The following CTNNA2 variants were observed in gnomAD, a reference collection of about 807,000 sequenced individuals.
The protein encoded by CTNNA2 is catenin alpha 2, also known as catenin alpha-2.
Under a neutral mutation model 101.0 loss-of-function variants are expected in CTNNA2, and 42 were observed. That is an observed-to-expected ratio of 0.42 (90% CI 0.32 to 0.54). The LOEUF (loss-of-function observed/expected upper bound fraction) is 0.54. CTNNA2 is among the 20% of genes least tolerant of loss of function. The pLI, the probability that CTNNA2 is intolerant of heterozygous loss-of-function variation, is 0.14. For missense variants in CTNNA2, 871 were observed against 1,223.1 expected (o/e 0.71, Z 4.29); for synonymous variants, 450 against 456.4 (o/e 0.99, Z 0.18).
intron 9 of CTNNA2, among the ~76,000 whole-genome samples, chr2:80,535,667 G>A (rs998175268): frequency 6.6e-6 from 1 of 152,126 alleles, no homozygotes; most frequent in African/African-American, 2.4e-5. Flanking sequence ...ATTTAAAACA[G>A]AGGCAAGAAA....
chr2:79,662,305 A>G (rs1000582734), intron 2 of CTNNA2, among the ~76,000 whole-genome samples: 1 of 152,120 alleles, frequency 6.6e-6, no homozygotes, highest in Non-Finnish European at 1.5e-5. Flanking sequence ...CAAACCTTAA[A>G]AGTATTTTCC....
At chr2:80,269,348 T>C (rs954184760) in intron 7 of CTNNA2, among the ~76,000 whole-genome samples, 6 of 152,224 alleles carry the variant, frequency 3.9e-5, no homozygotes, top group African/African-American at 7.2e-5. Context: ...CCTGATGCCT[T>C]GTGAAGAAGG....
At chr2:79,251,513 G>C (rs916879214) in intron 2 of CTNNA2, among the ~76,000 whole-genome samples, 2 of 152,168 alleles carry the variant, frequency 1.3e-5, no homozygotes, top group Admixed American at 1.3e-4. Flanking sequence ...GTGTACAGCA[G>C]AGTGATGGAA....
intron 9 of CTNNA2, among the ~76,000 whole-genome samples, chr2:80,534,087 G>T (rs1384045032): frequency 6.6e-6 from 1 of 152,118 alleles, no homozygotes; most frequent in Non-Finnish European, 1.5e-5. Context: ...CACCAGGGCA[G>T]ACTGATCACT....
At chr2:79,829,315 G>A (rs928515042) in intron 3 of CTNNA2, among the ~76,000 whole-genome samples, 1 of 150,242 alleles carries the variant, frequency 6.7e-6, no homozygotes, top group Admixed American at 6.7e-5. Context: ...TCAGGAGTTG[G>A]AGACCAGCCT....
At chr2:80,437,603 A>G (rs922811702) in intron 9 of CTNNA2, among the ~76,000 whole-genome samples, 1 of 152,194 alleles carries the variant, frequency 6.6e-6, no homozygotes, top group African/African-American at 2.4e-5. Flanking sequence ...TTTTGTTGGC[A>G]GTTATTGTTC....
chr2:80,351,979 T>C (rs1369338189), intron 7 of CTNNA2, among the ~76,000 whole-genome samples: 2 of 152,122 alleles, frequency 1.3e-5, no homozygotes, highest in Admixed American at 1.3e-4. Context: ...CTTTCCTCTC[T>C]TTGCAGGGAC....
rs193261772 is a variant in CTNNA2 at position 80,275,656 on chromosome 2, A to G, written c.1057-117555A>G. On this transcript the variant is annotated intron_variant, in intron 7 of 18. Transcript: ENST00000402739. Reference sequence around the variant, plus strand: ...TCATTTACCCCAGTAACATTATCTCAGGAAATTACAGAGAATATTATTCTG... The same window carrying G: ...TCATTTACCCCAGTAACATTATCTCGGGAAATTACAGAGAATATTATTCTG... Among the ~76,000 whole-genome samples, 90 of 152,272 alleles carry G rather than the reference A, an allele frequency of 5.9e-4. 2 individuals are homozygous for G. Among genetic ancestry groups the G allele is most frequent in the Non-Finnish European group, 2.9e-5 (2 of 68,020 alleles).
chr2:79,973,241 A>C (rs1690608433), intron 7 of CTNNA2, among the ~76,000 whole-genome samples: 1 of 152,198 alleles, frequency 6.6e-6, no homozygotes, highest in African/African-American at 2.4e-5. Context: ...AATCAAAATC[A>C]ATGGCTGATG....
At chr2:79,740,299 G>T (rs182557942) in intron 2 of CTNNA2, among the ~76,000 whole-genome samples, 1 of 152,200 alleles carries the variant, frequency 6.6e-6, no homozygotes, top group Non-Finnish European at 1.5e-5. Context: ...ATGTCCTCTA[G>T]CTCCATCCAT....
At position 80,212,619 on chromosome 2, in the gene CTNNA2, C is replaced by G. The variant is rs532697551; in HGVS notation, c.1057-180592C>G. Among the ~76,000 whole-genome samples, 7 of 152,278 alleles carry G rather than the reference C, an allele frequency of 4.6e-5. No individual in the cohort carries two copies. In the East Asian group the frequency reaches 1.4e-3, roughly 29 times the overall value. ...TTGATGTGCTGCCGGATTCGGTTTG[C>G]CAGTATTTTATTGAGGATTTTTGCA... On this transcript the variant is annotated intron_variant, in intron 7 of 18. Coordinates refer to ENST00000402739, the MANE Select transcript of CTNNA2 (RefSeq NM_001282597.3).
At chr2:79,629,084 C>T (rs561584981) in intron 1 of CTNNA2, among the ~76,000 whole-genome samples, 12 of 152,302 alleles carry the variant, frequency 7.9e-5, no homozygotes, top group African/African-American at 2.6e-4. Context: ...CCCCACTCTC[C>T]ACTTCCGTCC....
chr2:79,776,023 A>G (rs1267210400), intron 3 of CTNNA2, among the ~76,000 whole-genome samples: 1 of 152,232 alleles, frequency 6.6e-6, no homozygotes, highest in Non-Finnish European at 1.5e-5. Context: ...CATAGGCAAG[A>G]GTCATCTGAT....
At chr2:80,278,046 A>G (rs1057454105) in intron 7 of CTNNA2, among the ~76,000 whole-genome samples, 24 of 151,982 alleles carry the variant, frequency 1.6e-4, no homozygotes, top group Non-Finnish European at 2.8e-4. Context: ...CATCAGAGAG[A>G]TTGTGGCTTG....
intron 7 of CTNNA2, among the ~76,000 whole-genome samples, chr2:79,982,268 C>T (rs377713060): frequency 1.8e-5 from 2 of 108,998 alleles, no homozygotes; most frequent in African/African-American, 8.0e-5. Context: ...ACACACATAA[C>T]ATATATATAA....
intron 9 of CTNNA2, among the ~76,000 whole-genome samples, chr2:80,444,071 G>T (rs1682851044): frequency 6.6e-6 from 1 of 152,192 alleles, no homozygotes; most frequent in South Asian, 2.1e-4. Context: ...AAAATCCTGT[G>T]CACTTTCTAC....
intron 6 of CTNNA2, among the ~76,000 whole-genome samples, chr2:79,904,390 A>G (rs918398351): frequency 1.3e-5 from 2 of 152,116 alleles, no homozygotes; most frequent in African/African-American, 4.8e-5. Context: ...TAGGTGACTC[A>G]GATAGCATAA....
chr2:80,206,294 T>C lies in CTNNA2; in HGVS notation c.1057-186917T>C, dbSNP rs139668122. Among the ~76,000 whole-genome samples the C allele has an allele frequency of 8.1e-4, 123 of 152,338 alleles. 1 individual carries two copies. The Middle Eastern group carries it at 0.014, about 17-fold the overall frequency. On this transcript the variant is annotated intron_variant, in intron 7 of 18. Transcript: ENST00000402739. ...AACCCTTATGTAAACATCACTATCA[T>C]GTAGACCCCAAGGAATCCTTGATTT...
chr2:80,591,923 C>A (rs905820479), intron 15 of CTNNA2, among the ~76,000 whole-genome samples: 22 of 152,142 alleles, frequency 1.4e-4, no homozygotes, highest in Non-Finnish European at 2.5e-4. Context: ...CAGTTCTTGA[C>A]TTCCATCTCA....
Sources: allele counts gnomAD v4.1 joint callset (sites outside exome capture counted in the v4.1 genomes callset), GRCh38; gene constraint gnomAD v4.1.1; transcripts MANE v1.5; gene names NCBI Gene and HGNC (gene_info 2026-07-23, HGNC 2026-07-21).